CTNNA3: variants seen among roughly 807,000 people sequenced by gnomAD.
CTNNA3 encodes the protein catenin alpha 3, also known as catenin alpha-3.
CTNNA3 carries 76 observed loss-of-function variants against 95.7 expected under a neutral mutation model. The observed-to-expected ratio is 0.79, with a 90% CI of 0.66 to 0.96. The LOEUF is 0.96. Ranked by LOEUF, CTNNA3 falls within the 40% of genes least tolerant of loss-of-function variation. The pLI, the probability that CTNNA3 is intolerant of heterozygous loss-of-function variation, is 0.00. For missense variants in CTNNA3, 1,191 were observed against 1,089.8 expected, an observed-to-expected ratio of 1.09 and a Z score of -1.31; for synonymous variants, 431 against 374.4, an observed-to-expected ratio of 1.15 and a Z score of -1.74.
chr10:65,967,877 A>G (rs1665725813), intron 16 of CTNNA3, among the ~76,000 whole-genome samples: 1 of 152,198 alleles, frequency 6.6e-6, no homozygotes, highest in African/African-American at 2.4e-5. Flanking sequence ...ATATGCAAAG[A>G]TCTTCATTGT....
chr10:66,603,784 C>A (rs1015531396), intron 10 of CTNNA3, among the ~76,000 whole-genome samples: 4 of 152,142 alleles, frequency 2.6e-5, no homozygotes, highest in Non-Finnish European at 5.9e-5. Flanking sequence ...CACACTATTA[C>A]AGCCAACTGA....
At chr10:66,550,604 TGCCAAC>T (rs1842185800) in intron 10 of CTNNA3, among the ~76,000 whole-genome samples, 1 of 152,222 alleles carries the variant, frequency 6.6e-6, no homozygotes, top group East Asian at 1.9e-4. Flanking sequence ...AGAGAAAGTT[TGCCAAC>T]TGCTAGTTTA....
chr10:66,671,566 T>A (rs1408121486), intron 9 of CTNNA3, among the ~76,000 whole-genome samples: 3 of 152,222 alleles, frequency 2.0e-5, no homozygotes, highest in African/African-American at 7.2e-5. Context: ...AATTTTCTGT[T>A]ACTTTTCTTG....
chr10:66,828,786 G>A (rs1842605437), intron 7 of CTNNA3, among the ~76,000 whole-genome samples: 1 of 152,130 alleles, frequency 6.6e-6, no homozygotes, highest in African/African-American at 2.4e-5. Context: ...GTCATAGTCT[G>A]CCCAAGATAA....
chr10:66,428,423 T>A (rs1219397352), intron 11 of CTNNA3, among the ~76,000 whole-genome samples: 1 of 152,074 alleles, frequency 6.6e-6, no homozygotes, highest in Non-Finnish European at 1.5e-5. Flanking sequence ...TCTATAGAAC[T>A]CTCCACCCCA....
At chr10:66,553,918 T>C (rs916044748) in intron 10 of CTNNA3, among the ~76,000 whole-genome samples, 1 of 152,116 alleles carries the variant, frequency 6.6e-6, no homozygotes, top group Admixed American at 6.5e-5. Flanking sequence ...TATAGGCTAT[T>C]TTTGTCATAT....
chr10:66,491,722 A>G (rs1839929957), intron 11 of CTNNA3, among the ~76,000 whole-genome samples: 1 of 152,170 alleles, frequency 6.6e-6, no homozygotes, highest in Non-Finnish European at 1.5e-5. Flanking sequence ...AAGGTAGCCA[A>G]TTTCAAAATC....
chr10:66,267,289 T>C (rs2091181152), intron 13 of CTNNA3, among the ~76,000 whole-genome samples: 1 of 152,102 alleles, frequency 6.6e-6, no homozygotes, highest in African/African-American at 2.4e-5. Context: ...CTTCACCTAA[T>C]TGTAGTTCTT....
At chr10:67,216,962 A>G (rs11815559) in intron 6 of CTNNA3, among the ~76,000 whole-genome samples, 5,537 of 152,312 alleles carry the variant, frequency 0.036, 321 homozygotes, top group African/African-American at 0.13. Flanking sequence ...TTTCCAATAA[A>G]TCAATTGATT....
At chr10:67,438,845 C>T (rs1846395581) in intron 5 of CTNNA3, among the ~76,000 whole-genome samples, 1 of 152,132 alleles carries the variant, frequency 6.6e-6, no homozygotes, top group Admixed American at 6.5e-5. Context: ...CAGCTCCTGC[C>T]CAAAAAGGGA....
At chr10:66,459,672 A>G (rs2093515842) in intron 11 of CTNNA3, among the ~76,000 whole-genome samples, 1 of 152,350 alleles carries the variant, frequency 6.6e-6, no homozygotes, top group South Asian at 2.1e-4. Context: ...TGGATGGTAT[A>G]GCCTGTTGCT....
chr10:66,590,112 T>A (rs1055375870), intron 10 of CTNNA3, among the ~76,000 whole-genome samples: 4 of 151,808 alleles, frequency 2.6e-5, no homozygotes, highest in African/African-American at 9.7e-5. Context: ...ATGTAAAATA[T>A]CTGTTATGTG....
At chr10:66,310,277 G>A (rs1280688979) in intron 12 of CTNNA3, among the ~76,000 whole-genome samples, 1 of 152,000 alleles carries the variant, frequency 6.6e-6, no homozygotes, top group Admixed American at 6.5e-5. Flanking sequence ...ATAGTAAACT[G>A]TGATTTTGAC....
intron 13 of CTNNA3, among the ~76,000 whole-genome samples, chr10:66,105,804 G>T (rs2081876476): frequency 6.6e-6 from 1 of 152,186 alleles, no homozygotes. Flanking sequence ...TGTAAGGCAT[G>T]GTGTTGGATG....
At chr10:67,435,865 G>C (rs1846282363) in intron 5 of CTNNA3, among the ~76,000 whole-genome samples, 1 of 152,074 alleles carries the variant, frequency 6.6e-6, no homozygotes, top group Non-Finnish European at 1.5e-5. Context: ...TCATGGAGGG[G>C]TAGAATCAAT....
At chr10:66,795,742 T>C (rs1309947990) in intron 7 of CTNNA3, among the ~76,000 whole-genome samples, 2 of 152,192 alleles carry the variant, frequency 1.3e-5, no homozygotes, top group Admixed American at 1.3e-4. Flanking sequence ...AAATATGTTG[T>C]TAAGTGTAAC....
At chr10:66,432,022 T>A (rs936914472) in intron 11 of CTNNA3, among the ~76,000 whole-genome samples, 2 of 152,082 alleles carry the variant, frequency 1.3e-5, no homozygotes, top group African/African-American at 4.8e-5. Flanking sequence ...AATAAAAATA[T>A]ATCAAAGCAA....
intron 9 of CTNNA3, among the ~76,000 whole-genome samples, chr10:66,729,732 C>T (rs993919216): frequency 2.0e-5 from 3 of 152,152 alleles, no homozygotes; most frequent in East Asian, 1.9e-4. Context: ...CTCACAAAAA[C>T]ACCACAAAAG....
chr10:67,413,147 T>C (rs1010755566), intron 5 of CTNNA3, among the ~76,000 whole-genome samples: 2 of 151,990 alleles, frequency 1.3e-5, no homozygotes, highest in Non-Finnish European at 2.9e-5. Flanking sequence ...AAGTATGCGG[T>C]AAGATCTACC....
Sources: gnomAD v4.1 joint callset for allele counts (sites outside exome capture counted in the v4.1 genomes callset) on GRCh38, gnomAD v4.1.1 for gene constraint, MANE v1.5 for transcripts, NCBI Gene and HGNC (gene_info 2026-07-23, HGNC 2026-07-21) for gene names.